Variants in ADARB2 observed in about 807,000 individuals in gnomAD.
ADARB2 encodes inactive double-stranded RNA-specific editase B2.
In ADARB2, 25 loss-of-function variants were observed where a neutral mutation model predicts 62.2. That is an observed-to-expected ratio of 0.40 (90% CI 0.29 to 0.56). The LOEUF (loss-of-function observed/expected upper bound fraction) is 0.56. Ranked by LOEUF, ADARB2 falls within the 20% of genes least tolerant of loss-of-function variation. ADARB2 has a pLI of 0.43. For missense variants in ADARB2, 1,071 were observed against 1,077.4 expected (o/e 0.99, Z 0.08); for synonymous variants, 572 against 500.8 (o/e 1.14, Z -1.90).
chr10:1,685,309 G>T (rs533680757), intron 1 of ADARB2, among the ~76,000 whole-genome samples: 4 of 152,286 alleles, frequency 2.6e-5, no homozygotes, highest in Non-Finnish European at 5.9e-5. Context: ...AGCACACCAA[G>T]ATCAACTTGA....
At chr10:1,362,620 C>A (rs921869315) in intron 3 of ADARB2, among the ~76,000 whole-genome samples, 3 of 152,208 alleles carry the variant, frequency 2.0e-5, no homozygotes, top group African/African-American at 7.2e-5. Flanking sequence ...TCCTGCCGGG[C>A]TGGCGGCCTC....
chr10:1,537,051 G>T (rs1473267545), intron 1 of ADARB2, among the ~76,000 whole-genome samples: 2 of 152,186 alleles, frequency 1.3e-5, no homozygotes, highest in Non-Finnish European at 2.9e-5. Flanking sequence ...GAAAAATTTT[G>T]CAAGCTACCC....
chr10:1,486,261 T>A (rs1259295063), intron 1 of ADARB2, among the ~76,000 whole-genome samples: 1 of 151,192 alleles, frequency 6.6e-6, no homozygotes, highest in African/African-American at 2.4e-5. Flanking sequence ...TAAGCACATC[T>A]CAGAGATGCT....
intron 1 of ADARB2, among the ~76,000 whole-genome samples, chr10:1,672,776 C>G (rs892458581): frequency 9.5e-6 from 1 of 105,264 alleles, no homozygotes; most frequent in East Asian, 3.6e-4. Flanking sequence ...TCCCCTTCCT[C>G]CCTCCCTCTA....
At chr10:1,702,191 C>T (rs1834830432) in intron 1 of ADARB2, among the ~76,000 whole-genome samples, 1 of 152,222 alleles carries the variant, frequency 6.6e-6, no homozygotes. Flanking sequence ...GTTCATCCAC[C>T]TTCAAATGCA....
intron 7 of ADARB2, among the ~76,000 whole-genome samples, chr10:1,209,408 T>C (rs1308974956): frequency 0.016 from 504 of 31,830 alleles, 58 homozygotes; most frequent in African/African-American, 0.067. Flanking sequence ...CACTATCACC[T>C]ACAGCAACAC....
At chr10:1,332,467 C>G (rs1234132766) in intron 3 of ADARB2, among the ~76,000 whole-genome samples, 1 of 140,842 alleles carries the variant, frequency 7.1e-6, no homozygotes, top group African/African-American at 2.6e-5. Flanking sequence ...GACTGGCTAA[C>G]TAGCATCAGT....
At position 1,211,982 on chromosome 10, in the gene ADARB2, C is replaced by T. The variant is rs181823933; in HGVS notation, c.1682+4969G>A. ...CATCTCACCATGGCCCTCAGGATGA[C>T]GCTGGCTCCTGTGCATCCTGCGCCG... On this transcript the variant is annotated intron_variant, in intron 7 of 9. Coordinates refer to ENST00000381312, the MANE Select transcript of ADARB2 (RefSeq NM_018702.4). Among the ~76,000 whole-genome samples the T allele has an allele frequency of 4.6e-5, 7 of 152,302 alleles. No homozygotes were observed. The East Asian group carries it at 1.4e-3, about 29-fold the overall frequency.
chr10:1,587,753 C>T (rs1329091411), intron 1 of ADARB2, among the ~76,000 whole-genome samples: 2 of 152,122 alleles, frequency 1.3e-5, no homozygotes, highest in East Asian at 1.9e-4. Context: ...ATAATTCCCA[C>T]GTGTTGTGGG....
At chr10:1,577,676 G>A (rs1833039654) in intron 1 of ADARB2, among the ~76,000 whole-genome samples, 1 of 152,158 alleles carries the variant, frequency 6.6e-6, no homozygotes, top group Non-Finnish European at 1.5e-5. Context: ...GAGCGAATGT[G>A]CAGCCCCACC....
intron 1 of ADARB2, among the ~76,000 whole-genome samples, chr10:1,491,276 C>T (rs764785859): frequency 2.0e-5 from 3 of 151,958 alleles, no homozygotes; most frequent in Admixed American, 1.3e-4. Flanking sequence ...TGCCACGTTG[C>T]CCAGGCTGGT....
chr10:1,339,504 A>C (rs1314833102), intron 3 of ADARB2, among the ~76,000 whole-genome samples: 1 of 152,252 alleles, frequency 6.6e-6, no homozygotes, highest in Non-Finnish European at 1.5e-5. Context: ...TCACATCCCT[A>C]CGTTTGCTCT....
At chr10:1,425,321 G>C (rs1832885473) in intron 1 of ADARB2, among the ~76,000 whole-genome samples, 1 of 152,144 alleles carries the variant, frequency 6.6e-6, no homozygotes, top group African/African-American at 2.4e-5. Flanking sequence ...ACGCTGAATG[G>C]CATTCATTTA....
chr10:1,607,004 G>C (rs541149456), intron 1 of ADARB2, among the ~76,000 whole-genome samples: 1 of 152,318 alleles, frequency 6.6e-6, no homozygotes, highest in South Asian at 2.1e-4. Context: ...CAAAAGGAGT[G>C]AGGATTTTTA....
chr10:1,607,673 G>A (rs1833511967), intron 1 of ADARB2, among the ~76,000 whole-genome samples: 2 of 152,152 alleles, frequency 1.3e-5, no homozygotes, highest in African/African-American at 4.8e-5. Context: ...GGAACCCTAG[G>A]GACCCTGCCC....
chr10:1,444,901 A>G (rs1830949684), intron 1 of ADARB2, among the ~76,000 whole-genome samples: 1 of 143,834 alleles, frequency 7.0e-6, no homozygotes, highest in South Asian at 2.3e-4. Flanking sequence ...CCATCCATCC[A>G]CTGACCATCC....
chr10:1,506,594 C>T (rs571730308), intron 1 of ADARB2, among the ~76,000 whole-genome samples: 4 of 152,358 alleles, frequency 2.6e-5, no homozygotes, highest in South Asian at 2.1e-4. Flanking sequence ...GGGCTCCAGG[C>T]GTCCTGCCGA....
chr10:1,395,243 C>G (rs1274930723), intron 1 of ADARB2, among the ~76,000 whole-genome samples: 2 of 152,154 alleles, frequency 1.3e-5, no homozygotes, highest in African/African-American at 4.8e-5. Flanking sequence ...AGCTCCGGCC[C>G]GACAGCTGAT....
At chr10:1,614,472 G>A (rs528660130) in intron 1 of ADARB2, among the ~76,000 whole-genome samples, 4 of 152,336 alleles carry the variant, frequency 2.6e-5, no homozygotes, top group Admixed American at 6.5e-5. Context: ...CATGGGAGAT[G>A]TTGCTCTCAG....
Sources: allele counts gnomAD v4.1 joint callset (sites outside exome capture counted in the v4.1 genomes callset), GRCh38; gene constraint gnomAD v4.1.1; transcripts MANE v1.5; gene names NCBI Gene and HGNC (gene_info 2026-07-23, HGNC 2026-07-21).